TRPM3: variants seen among roughly 807,000 people sequenced by gnomAD.
TRPM3 encodes transient receptor potential cation channel subfamily M member 3.
In TRPM3, 77 loss-of-function variants were observed where a neutral mutation model predicts 181.2. The ratio of observed to expected loss-of-function variants is 0.42; its 90% CI spans 0.35 to 0.51. The LOEUF (loss-of-function observed/expected upper bound fraction) is 0.51. Among genes scored for constraint, TRPM3 ranks in the 20% least tolerant of loss-of-function variants. TRPM3 has a pLI of 0.01. For missense variants in TRPM3, 1,759 were observed against 2,196.7 expected (o/e 0.80, Z 3.98); for synonymous variants, 745 against 796.4 (o/e 0.94, Z 1.09).
chr9:71,052,177 T>C (rs1371338729), intron 1 of TRPM3, among the ~76,000 whole-genome samples: 1 of 152,134 alleles, frequency 6.6e-6, no homozygotes, highest in Non-Finnish European at 1.5e-5. Flanking sequence ...TAAAGAGATA[T>C]GATCTCATTA....
At chr9:70,795,244 G>T (rs1296263136) in intron 6 of TRPM3, among the ~76,000 whole-genome samples, 1 of 152,176 alleles carries the variant, frequency 6.6e-6, no homozygotes, top group Non-Finnish European at 1.5e-5. Flanking sequence ...TTAATACACA[G>T]AGTAGGTATA....
Position 71,285,569 on chromosome 9 carries a change from C to T in TRPM3, c.183+161084G>A, listed in dbSNP as rs115426454. Among the ~76,000 whole-genome samples, 933 of 152,240 alleles carry T rather than the reference C, an allele frequency of 6.1e-3. 15 individuals are homozygous for T. Among genetic ancestry groups the T allele is most frequent in the African/African-American group, 0.021 (886 of 41,536 alleles). ...AACTCCAGAGAAACAAGGCCCAGCACGCCCCAGTTTAACAAAGTTGAATAA... is the reference window on the plus strand; with the variant it reads ...AACTCCAGAGAAACAAGGCCCAGCATGCCCCAGTTTAACAAAGTTGAATAA... On this transcript the variant is annotated intron_variant, in intron 1 of 24. Coordinates refer to the TRPM3 transcript ENST00000357533.
chr9:71,177,986 T>C (rs1486229628), intron 1 of TRPM3, among the ~76,000 whole-genome samples: 1 of 151,608 alleles, frequency 6.6e-6, no homozygotes, highest in East Asian at 1.9e-4. Flanking sequence ...AGATGTTTTA[T>C]ACTGAACCAA....
intron 1 of TRPM3, among the ~76,000 whole-genome samples, chr9:71,356,495 G>A (rs929586860): frequency 1.3e-5 from 2 of 152,200 alleles, no homozygotes; most frequent in Admixed American, 6.5e-5. Context: ...AGGAGGATGG[G>A]CCTGAATTCA....
chr9:70,872,788 C>A lies in TRPM3; in HGVS notation c.178-8277G>T, dbSNP rs944521345. ...GGCCCCAGCACCTAGAACTGTGGCA[C>A]ATGGTTAGCACATAGAGGATGTAGG... On this transcript the variant is annotated intron_variant, in intron 1 of 25. Transcript: ENST00000677713. Among the ~76,000 whole-genome samples, 17 of 151,912 alleles carry A rather than the reference C, an allele frequency of 1.1e-4. 1 individual carries two copies.
At chr9:70,578,172 GT>G (rs2054557221) in intron 22 of TRPM3, among the ~76,000 whole-genome samples, 1 of 152,026 alleles carries the variant, frequency 6.6e-6, no homozygotes, top group African/African-American at 2.4e-5. Context: ...ATCATGGGGG[GT>G]TTGATTCCCC....
At chr9:71,145,912 T>C (rs2075376860) in intron 1 of TRPM3, among the ~76,000 whole-genome samples, 1 of 95,978 alleles carries the variant, frequency 1.0e-5, no homozygotes, top group Admixed American at 1.4e-4. Flanking sequence ...TCATCAAGTT[T>C]GGTTAAAAAA....
chr9:71,069,608 CTTTTT>C (rs71367252), intron 1 of TRPM3, among the ~76,000 whole-genome samples: 1 of 126,652 alleles, frequency 7.9e-6, no homozygotes, highest in South Asian at 2.6e-4. Context: ...TTCCTTTTTT[CTTTTT>C]TTTTTTTTTT....
At chr9:71,331,981 G>A (rs1035403254) in intron 1 of TRPM3, among the ~76,000 whole-genome samples, 3 of 146,860 alleles carry the variant, frequency 2.0e-5, no homozygotes, top group African/African-American at 7.6e-5. Flanking sequence ...AGGAGAAGGA[G>A]GAGGGTTAAA....
intron 3 of TRPM3, among the ~76,000 whole-genome samples, chr9:70,857,492 T>G (rs1029402018): frequency 2.0e-5 from 3 of 152,162 alleles, no homozygotes; most frequent in Admixed American, 6.5e-5. Flanking sequence ...CATTAAACAA[T>G]AGTGACTTTA....
At chr9:71,282,716 G>A (rs1362437046) in intron 1 of TRPM3, among the ~76,000 whole-genome samples, 1 of 152,140 alleles carries the variant, frequency 6.6e-6, no homozygotes, top group African/African-American at 2.4e-5. Flanking sequence ...TCTTACTTAG[G>A]AATATTACTG....
chr9:70,601,563 G>A (rs891082084), intron 20 of TRPM3, among the ~76,000 whole-genome samples: 2 of 152,226 alleles, frequency 1.3e-5, no homozygotes, highest in Admixed American at 1.3e-4. Context: ...TTGGGGCGCC[G>A]CCTCACTGAG....
chr9:71,318,086 C>A (rs2088821579), intron 1 of TRPM3, among the ~76,000 whole-genome samples: 1 of 151,448 alleles, frequency 6.6e-6, no homozygotes, highest in South Asian at 2.1e-4. Context: ...CCTGTCTCTA[C>A]AAAAAACAAA....
At chr9:71,011,973 G>C (rs2097748475) in intron 1 of TRPM3, among the ~76,000 whole-genome samples, 1 of 151,904 alleles carries the variant, frequency 6.6e-6, no homozygotes, top group African/African-American at 2.4e-5. Flanking sequence ...AGTAGAGATA[G>C]GGTTTTGCCA....
chr9:70,898,713 A>G (rs1279012941), intron 1 of TRPM3, among the ~76,000 whole-genome samples: 1 of 143,998 alleles, frequency 6.9e-6, no homozygotes, highest in Non-Finnish European at 1.5e-5. Flanking sequence ...GTGCCATTGC[A>G]CTCCAGTTTG....
At chr9:71,399,686 GC>G (rs2093295786) in intron 1 of TRPM3, among the ~76,000 whole-genome samples, 1 of 151,554 alleles carries the variant, frequency 6.6e-6, no homozygotes, top group South Asian at 2.1e-4. Flanking sequence ...CCGCCACCAC[GC>G]CCAGCTAATT....
chr9:71,102,327 C>T (rs778707050), intron 1 of TRPM3, among the ~76,000 whole-genome samples: 3 of 152,168 alleles, frequency 2.0e-5, no homozygotes, highest in African/African-American at 7.2e-5. Flanking sequence ...GTTCCTAGTC[C>T]AGACTTTGTC....
chr9:70,662,708 C>G (rs1759374092), intron 9 of TRPM3, among the ~76,000 whole-genome samples: 1 of 152,074 alleles, frequency 6.6e-6, no homozygotes, highest in African/African-American at 2.4e-5. Flanking sequence ...CTTACTCCTG[C>G]AAGAATGGCC....
intron 8 of TRPM3, among the ~76,000 whole-genome samples, chr9:70,755,371 T>A (rs1427336270): frequency 1.3e-5 from 2 of 151,414 alleles, no homozygotes; most frequent in Admixed American, 6.6e-5. Flanking sequence ...TATTCAACAT[T>A]CTTTTTTTTT....
Sources: gnomAD v4.1 joint callset for allele counts (sites outside exome capture counted in the v4.1 genomes callset) on GRCh38, gnomAD v4.1.1 for gene constraint, MANE v1.5 for transcripts, NCBI Gene and HGNC (gene_info 2026-07-23, HGNC 2026-07-21) for gene names.